EPHA5: variants seen among roughly 807,000 people sequenced by gnomAD.
EPHA5 encodes EPH receptor A5.
A neutral mutation model predicts 105.0 loss-of-function variants in EPHA5; 60 were observed. The ratio of observed to expected loss-of-function variants is 0.57; its 90% CI spans 0.46 to 0.71. The LOEUF is 0.71. Ranked by LOEUF, EPHA5 falls within the 30% of genes least tolerant of loss-of-function variation. EPHA5 has a pLI of 0.00. For missense variants in EPHA5, 1,218 were observed against 1,274.7 expected (o/e 0.96, Z 0.68); for synonymous variants, 513 against 449.1 (o/e 1.14, Z -1.80).
chr4:65,606,809 AAAT>A (rs1477389824), intron 2 of EPHA5, among the ~76,000 whole-genome samples: 1 of 152,186 alleles, frequency 6.6e-6, no homozygotes, highest in Non-Finnish European at 1.5e-5. Flanking sequence ...TATTTCAGTC[AAAT>A]AATATTACGA....
intron 3 of EPHA5, among the ~76,000 whole-genome samples, chr4:65,551,213 G>GTA (rs778555353): frequency 6.7e-6 from 1 of 149,626 alleles, no homozygotes; most frequent in Non-Finnish European, 1.5e-5. Context: ...TGCCATGTAT[G>GTA]TATATATATG....
At chr4:65,339,266 G>C (rs1200452387) in intron 14 of EPHA5, among the ~76,000 whole-genome samples, 1 of 152,020 alleles carries the variant, frequency 6.6e-6, no homozygotes, top group Non-Finnish European at 1.5e-5. Context: ...TGTGGGTATG[G>C]TTGCTTTTCC....
rs187035286 is a variant in EPHA5, at chr4:65,511,199, A to G, written c.911-15656T>C. Among the ~76,000 whole-genome samples, 7 of 152,282 alleles carry G rather than the reference A, an allele frequency of 4.6e-5. No homozygotes were observed. In the East Asian group the frequency reaches 1.4e-3, roughly 29 times the overall value. On this transcript the variant is annotated intron_variant, in intron 3 of 16. Coordinates refer to ENST00000613740, the MANE Select transcript of EPHA5 (RefSeq NM_001281766.3). ...GTGGTTATGGCAACCCAAGCTGACTAATGTTACATTACTCAACAAAGTACA... is the reference window on the plus strand; with the variant it reads ...GTGGTTATGGCAACCCAAGCTGACTGATGTTACATTACTCAACAAAGTACA...
intron 5 of EPHA5, among the ~76,000 whole-genome samples, chr4:65,439,524 T>A (rs1483321631): frequency 4.0e-5 from 6 of 148,822 alleles, no homozygotes; most frequent in Non-Finnish European, 8.9e-5. Flanking sequence ...AGAGTTCATA[T>A]CTTGCAAGTG....
intron 2 of EPHA5, among the ~76,000 whole-genome samples, chr4:65,612,372 T>G (rs1744861148): frequency 6.6e-6 from 1 of 152,182 alleles, no homozygotes. Context: ...TTCCACTCTC[T>G]ATATCCGTGA....
chr4:65,335,640 A>C (rs574183566), intron 15 of EPHA5, among the ~76,000 whole-genome samples: 1 of 130,456 alleles, frequency 7.7e-6, no homozygotes, highest in African/African-American at 2.5e-5. Context: ...AAAATGCATG[A>C]AAATACACAC....
intron 3 of EPHA5, among the ~76,000 whole-genome samples, chr4:65,544,879 G>A (rs1215391432): frequency 6.6e-6 from 1 of 151,634 alleles, no homozygotes; most frequent in Admixed American, 6.6e-5. Flanking sequence ...ATACACCATG[G>A]AATACTATGC....
intron 8 of EPHA5, among the ~76,000 whole-genome samples, chr4:65,393,110 T>C (rs1412473718): frequency 1.3e-5 from 2 of 152,172 alleles, no homozygotes; most frequent in Non-Finnish European, 2.9e-5. Flanking sequence ...ACTTCACATG[T>C]CAGTAAGGCT....
At chr4:65,557,000 C>A (rs991701673) in intron 3 of EPHA5, among the ~76,000 whole-genome samples, 2 of 151,602 alleles carry the variant, frequency 1.3e-5, no homozygotes, top group Non-Finnish European at 2.9e-5. Flanking sequence ...TTCTGTTTGT[C>A]CTTTATTCGG....
Position 65,506,567 on chromosome 4 carries a change from T to C in EPHA5, c.911-11024A>G, listed in dbSNP as rs1424733149. Among the ~76,000 whole-genome samples, 9 of 145,624 alleles carry C rather than the reference T, an allele frequency of 6.2e-5. 1 individual carries two copies. The highest frequency in any genetic ancestry group is 2.3e-4 in the African/African-American group (9 of 39,468). Reference sequence around the variant, plus strand: ...CTAACTGATGTGAGATGGTATCTCATTGTGGTTTTGATTTGCATTTCTCTG... The same window carrying C: ...CTAACTGATGTGAGATGGTATCTCACTGTGGTTTTGATTTGCATTTCTCTG... On this transcript the variant is annotated intron_variant, in intron 3 of 16. Transcript: ENST00000613740.
rs1462814028 is a variant in EPHA5, at chr4:65,387,407, T to G, written c.1793+16967A>C. 3.9e-5 allele frequency among the ~76,000 whole-genome samples: 6 copies of G among 151,954 alleles called. No homozygotes were observed. In the East Asian group the frequency reaches 1.2e-3, roughly 30 times the overall value. On this transcript the variant is annotated intron_variant, in intron 8 of 16. Transcript: ENST00000613740. Reference sequence around the variant, plus strand: ...TACAGAAGTTCCTTCTCATTTCAATTTATTGGATGAAGATTTAGAAGCCCC... The same window carrying G: ...TACAGAAGTTCCTTCTCATTTCAATGTATTGGATGAAGATTTAGAAGCCCC...
rs139793674 is a variant in EPHA5, at chr4:65,324,131, C to T, written c.3034G>A (p.Gly1012Arg). Residue 1012 changes from glycine to arginine, a missense_variant, in exon 17 of 17, where the codon GGA (glycine) becomes AGA (arginine). Gly to Arg is a moderately radical substitution (Grantham distance 125). This residue lies in a region of EPHA5 where 971 missense variants were observed against 1,013.5 expected (regional missense o/e 0.96). Transcript: ENST00000613740. ...ACATGAAGTTACAATGGCACCATTC[C>T]GTTTACCAGCTGCACCTTCATTTCT... ...LQEMKVQLVN[G>R]MVPL 2.0e-4 allele frequency: 323 copies of T among 1,608,180 alleles called. No homozygotes were observed. Among genetic ancestry groups the T allele is most frequent in the Admixed American group, 2.3e-4 (14 of 59,600 alleles).
At chr4:65,608,362 G>A (rs1364484422) in intron 2 of EPHA5, among the ~76,000 whole-genome samples, 3 of 151,946 alleles carry the variant, frequency 2.0e-5, no homozygotes, top group Non-Finnish European at 4.4e-5. Flanking sequence ...AAATTAGCCG[G>A]GCGTGGTGGT....
At chr4:65,571,211 T>C (rs566858703) in intron 3 of EPHA5, among the ~76,000 whole-genome samples, 4 of 152,094 alleles carry the variant, frequency 2.6e-5, no homozygotes, top group African/African-American at 9.6e-5. Context: ...GGGAAAAATG[T>C]GAGTAGGGGA....
At chr4:65,453,891 C>T (rs1291841959) in intron 5 of EPHA5, among the ~76,000 whole-genome samples, 4 of 152,170 alleles carry the variant, frequency 2.6e-5, no homozygotes, top group Admixed American at 1.3e-4. Context: ...GCCTAGGTCT[C>T]TCCTTCTGCC....
chr4:65,605,106 A>G (rs1308413489), intron 2 of EPHA5, among the ~76,000 whole-genome samples: 1 of 152,064 alleles, frequency 6.6e-6, no homozygotes, highest in Non-Finnish European at 1.5e-5. Context: ...CTTTCCCGTT[A>G]AGAATAAATA....
intron 5 of EPHA5, among the ~76,000 whole-genome samples, chr4:65,437,931 A>ATGG (rs1475003879): frequency 2.0e-5 from 3 of 151,994 alleles, no homozygotes; most frequent in Non-Finnish European, 2.9e-5. Context: ...TCTCTGTCCT[A>ATGG]TGGTGTCTTA....
At chr4:65,414,568 ATTTT>A in intron 6 of EPHA5, 125 bp from the exon 7 acceptor site, 1 of 1,051,320 alleles carries the variant, frequency 9.5e-7, no homozygotes, top group Non-Finnish European at 1.4e-6. Flanking sequence ...CAAATATAAC[ATTTT>A]AGAAAAAAAT....
chr4:65,377,440 G>C (rs1719123769), intron 8 of EPHA5, among the ~76,000 whole-genome samples: 1 of 151,814 alleles, frequency 6.6e-6, no homozygotes, highest in Non-Finnish European at 1.5e-5. Context: ...ATCCTAAATA[G>C]CCCTTTAAAT....
Sources: allele counts gnomAD v4.1 joint callset (sites outside exome capture counted in the v4.1 genomes callset), GRCh38; gene constraint gnomAD v4.1.1; regional missense constraint gnomAD v4.1.1; transcripts MANE v1.5; gene names NCBI Gene and HGNC (gene_info 2026-07-23, HGNC 2026-07-21).